Variants in ITGA2 observed in about 807,000 individuals in gnomAD.
ITGA2 encodes integrin alpha-2.
ITGA2 carries 101 observed loss-of-function variants against 146.3 expected under a neutral mutation model. That is an observed-to-expected ratio of 0.69 (90% CI 0.59 to 0.81). The LOEUF (loss-of-function observed/expected upper bound fraction) is 0.81, where lower values mean the gene tolerates loss of function less well. Among genes scored for constraint, ITGA2 ranks in the 40% least tolerant of loss-of-function variants. The pLI is 0.00. For synonymous variants in ITGA2, 477 were observed against 487.1 expected, an observed-to-expected ratio of 0.98 and a Z score of 0.27; for missense variants, 1,281 against 1,402.7, an observed-to-expected ratio of 0.91 and a Z score of 1.39.
At chr5:53,078,232 C>T (rs1235927713) in intron 23 of ITGA2, among the ~76,000 whole-genome samples, 1 of 152,138 alleles carries the variant, frequency 6.6e-6, no homozygotes, top group Non-Finnish European at 1.5e-5. Context: ...ATTTGACCAA[C>T]CTCATTCAGA....
At chr5:53,052,204 A>G (rs900963150) in intron 7 of ITGA2, among the ~76,000 whole-genome samples, 9 of 152,228 alleles carry the variant, frequency 5.9e-5, no homozygotes, top group Admixed American at 2.0e-4. Flanking sequence ...CCATATCTAC[A>G]TTAGGTACTT....
intron 4 of ITGA2, 38 bp downstream of exon 4, chr5:53,045,130 A>G (rs1275663719): frequency 6.9e-7 from 1 of 1,454,820 alleles, no homozygotes; most frequent in Non-Finnish European, 9.7e-7. Flanking sequence ...TCCTCTCAAG[A>G]AAGTACATAG....
intron 28 of ITGA2, among the ~76,000 whole-genome samples, chr5:53,087,381 C>T (rs1229132661): frequency 2.0e-5 from 3 of 152,192 alleles, no homozygotes; most frequent in Non-Finnish European, 2.9e-5. Context: ...CCAGTTCTTC[C>T]TTTCTCCTCC....
chr5:53,088,002 T>C (rs990602), intron 28 of ITGA2, among the ~76,000 whole-genome samples: 70,416 of 151,966 alleles, frequency 0.46, 16,359 homozygotes, highest in Middle Eastern at 0.5. Flanking sequence ...AAAATGATTC[T>C]ACGCAACAGA....
At chr5:53,051,757 T>G (rs1378502370) in intron 7 of ITGA2, among the ~76,000 whole-genome samples, 198 bp downstream of exon 7, 1 of 152,184 alleles carries the variant, frequency 6.6e-6, no homozygotes, top group Non-Finnish European at 1.5e-5. Context: ...AAGTTAAATC[T>G]TTGATTTTAG....
chr5:53,022,703 A>C (rs976495114), intron 1 of ITGA2, among the ~76,000 whole-genome samples: 2 of 152,122 alleles, frequency 1.3e-5, no homozygotes, highest in Non-Finnish European at 2.9e-5. Flanking sequence ...AGTAGCTGGA[A>C]CTACAGGCAT....
chr5:53,041,584 C>T (rs543959321), intron 2 of ITGA2, among the ~76,000 whole-genome samples: 6 of 152,230 alleles, frequency 3.9e-5, no homozygotes, highest in East Asian at 1.9e-4. Context: ...CTGAACAATA[C>T]GTAGCCACGA....
intron 4 of ITGA2, among the ~76,000 whole-genome samples, chr5:53,047,260 A>AT (rs1744136352): frequency 6.6e-6 from 1 of 152,184 alleles, no homozygotes. Context: ...ATAACGTTAA[A>AT]TTCTGTAGGC....
intron 17 of ITGA2, among the ~76,000 whole-genome samples, chr5:53,071,112 G>A (rs1419350353): frequency 6.6e-6 from 1 of 151,882 alleles, no homozygotes; most frequent in East Asian, 1.9e-4. Context: ...AATGCTAAGT[G>A]TAAACACTAG....
chr5:52,997,913 C>G (rs1016455427), intron 1 of ITGA2, among the ~76,000 whole-genome samples: 1 of 152,070 alleles, frequency 6.6e-6, no homozygotes, highest in African/African-American at 2.4e-5. Flanking sequence ...AAAACTTAGC[C>G]TTGGAAATTG....
chr5:53,070,684 A>T (rs1745350814), intron 17 of ITGA2, among the ~76,000 whole-genome samples: 1 of 151,966 alleles, frequency 6.6e-6, no homozygotes, highest in Admixed American at 6.6e-5. Context: ...TAGATGAAAT[A>T]TAGTAGATTA....
At chr5:53,036,044 T>TATTCATTC (rs74507381) in intron 2 of ITGA2, among the ~76,000 whole-genome samples, 52,672 of 149,876 alleles carry the variant, frequency 0.35, 10,180 homozygotes, top group South Asian at 0.46. Flanking sequence ...CTTTGACTCG[T>TATTCATTC]ATTCATTCAT....
intron 4 of ITGA2, among the ~76,000 whole-genome samples, chr5:53,046,194 C>CAAAAAA (rs58926174): frequency 2.0e-5 from 2 of 99,060 alleles, no homozygotes; most frequent in Non-Finnish European, 4.0e-5. Context: ...GACTCTGTCT[C>CAAAAAA]AAAAAAAAAA....
At chr5:53,028,308 GA>G (rs1743050612) in intron 2 of ITGA2, among the ~76,000 whole-genome samples, 2 of 152,206 alleles carry the variant, frequency 1.3e-5, no homozygotes, top group African/African-American at 4.8e-5. Context: ...TTTAAGTAGT[GA>G]GGATGAAGAG....
intron 1 of ITGA2, among the ~76,000 whole-genome samples, chr5:52,993,600 TC>T (rs1741080968): frequency 6.6e-6 from 1 of 152,196 alleles, no homozygotes; most frequent in Non-Finnish European, 1.5e-5. Context: ...TGATGACTAC[TC>T]CCTGTCTTCA....
At chr5:53,012,860 G>A (rs750647758) in intron 1 of ITGA2, among the ~76,000 whole-genome samples, 2 of 152,078 alleles carry the variant, frequency 1.3e-5, no homozygotes, top group African/African-American at 2.4e-5. Flanking sequence ...ATGGTGTGGA[G>A]CATTTTTTCA....
At chr5:53,026,960 G>A (rs1037875878) in intron 2 of ITGA2, 92 bp downstream of exon 2, 1 of 1,160,132 alleles carries the variant, frequency 8.6e-7, no homozygotes, top group Non-Finnish European at 1.3e-6. Flanking sequence ...GTGCCTGACT[G>A]TACTATAAAT....
intron 8 of ITGA2, 135 bp from the exon 9 acceptor site, chr5:53,055,849 C>T (rs1744602418): frequency 1.6e-6 from 2 of 1,243,826 alleles, no homozygotes; most frequent in Non-Finnish European, 2.3e-6. Flanking sequence ...ATCCTGTCTA[C>T]TAAATAAAGG....
chr5:53,074,915 G>A, intron 21 of ITGA2, 146 bp from the exon 22 acceptor site: 2 of 651,014 alleles, frequency 3.1e-6, no homozygotes, highest in East Asian at 5.4e-5. Flanking sequence ...GACAAATAAA[G>A]ATATTCCACA....
Sources: gnomAD v4.1 joint callset for allele counts (sites outside exome capture counted in the v4.1 genomes callset) on GRCh38, gnomAD v4.1.1 for gene constraint, MANE v1.5 for transcripts, NCBI Gene and HGNC (gene_info 2026-07-23, HGNC 2026-07-21) for gene names.